NPHP4: variants seen among roughly 807,000 people sequenced by gnomAD.
NPHP4 encodes nephrocystin 4.
In NPHP4, 151 loss-of-function variants were observed where a neutral mutation model predicts 155.8. The observed-to-expected ratio is 0.97, with a 90% CI of 0.85 to 1.11. The LOEUF (loss-of-function observed/expected upper bound fraction) is 1.11. Among genes scored for constraint, NPHP4 ranks in the 50% least tolerant of loss-of-function variants. The probability of loss-of-function intolerance (pLI) is 0.00; values close to 1 mark genes in which losing one functional copy is unlikely to be tolerated. For missense variants in NPHP4, 1,956 were observed against 1,925.7 expected (o/e 1.02, Z -0.29); for synonymous variants, 845 against 816.8 (o/e 1.03, Z -0.59).
intron 7 of NPHP4, among the ~76,000 whole-genome samples, chr1:5,952,360 A>C (rs1040507997): frequency 5.9e-5 from 9 of 152,210 alleles, no homozygotes; most frequent in Admixed American, 5.9e-4. Context: ...ACCAGAATTA[A>C]CTTTAGTTAA....
At chr1:5,913,043 C>T (rs1218399278) in intron 11 of NPHP4, among the ~76,000 whole-genome samples, 7 of 151,262 alleles carry the variant, frequency 4.6e-5, no homozygotes, top group Non-Finnish European at 7.4e-5. Flanking sequence ...CCTAGCTACT[C>T]GGGAGGCTGA....
chr1:5,880,013 ACACATG>A, intron 19 of NPHP4, 95 bp downstream of exon 19: 2 of 1,348,726 alleles, frequency 1.5e-6, no homozygotes, highest in Non-Finnish European at 1.0e-6. Flanking sequence ...GCACACACAC[ACACATG>A]CACACACGCA....
chr1:5,992,061 GC>G (rs1557907444), intron 1 of NPHP4, among the ~76,000 whole-genome samples, 182 bp downstream of exon 1: 1 of 150,866 alleles, frequency 6.6e-6, no homozygotes. Context: ...CGCGGGGACA[GC>G]CCCCGCCGCG....
chr1:5,893,494 C>CA (rs1644246394), intron 16 of NPHP4, among the ~76,000 whole-genome samples: 1 of 152,220 alleles, frequency 6.6e-6, no homozygotes, highest in Non-Finnish European at 1.5e-5. Flanking sequence ...AGACAGCTTA[C>CA]ACCATTATTT....
intron 1 of NPHP4, among the ~76,000 whole-genome samples, chr1:5,991,762 G>C (rs1263267687): frequency 1.3e-5 from 2 of 152,068 alleles, no homozygotes; most frequent in East Asian, 1.9e-4. Context: ...AGCCGGAGCC[G>C]GAGCTGGAGC....
chr1:5,885,558 C>A (rs1570238622), intron 18 of NPHP4, among the ~76,000 whole-genome samples: 1 of 152,260 alleles, frequency 6.6e-6, no homozygotes, highest in East Asian at 1.9e-4. Flanking sequence ...CTCTCCCCAT[C>A]ATCAGAGTCC....
chr1:5,956,681 C>G (rs1413826514), intron 6 of NPHP4, among the ~76,000 whole-genome samples: 1 of 152,168 alleles, frequency 6.6e-6, no homozygotes, highest in African/African-American at 2.4e-5. Context: ...CTTCGCACAT[C>G]TGAAGGGCTA....
At chr1:5,953,488 C>A (rs111995914) in intron 6 of NPHP4, among the ~76,000 whole-genome samples, 37 of 152,302 alleles carry the variant, frequency 2.4e-4, no homozygotes, top group African/African-American at 8.7e-4. Flanking sequence ...AGCCTGCTGC[C>A]CGGCATGGCT....
intron 19 of NPHP4, 119 bp downstream of exon 19, chr1:5,879,995 C>A (rs564438820): frequency 2.5e-6 from 3 of 1,220,130 alleles, no homozygotes; most frequent in Non-Finnish European, 3.5e-6. Flanking sequence ...GACAGCACCA[C>A]GAATGGTGCA....
chr1:5,863,816 A>T (rs1640892087), intron 29 of NPHP4, 74 bp downstream of exon 29: 2 of 1,508,708 alleles, frequency 1.3e-6, no homozygotes, highest in Non-Finnish European at 1.8e-6. Context: ...ACTCGCTCCT[A>T]AATGCAGGCT....
intron 6 of NPHP4, among the ~76,000 whole-genome samples, chr1:5,959,757 G>A (rs564792366): frequency 6.6e-6 from 1 of 151,882 alleles, no homozygotes; most frequent in East Asian, 1.9e-4. Flanking sequence ...CTAGTCCCAA[G>A]ATCAGTATCC....
At chr1:5,904,579 C>A (rs1424538146) in intron 16 of NPHP4, 38 bp downstream of exon 16, 1 of 1,513,922 alleles carries the variant, frequency 6.6e-7, no homozygotes, top group Non-Finnish European at 9.0e-7. Context: ...CAACTCAGTA[C>A]AGAATGTCTT....
At chr1:5,957,930 ACCTATGACCTCCCT>A (rs1649560740) in intron 6 of NPHP4, among the ~76,000 whole-genome samples, 1 of 152,162 alleles carries the variant, frequency 6.6e-6, no homozygotes, top group Non-Finnish European at 1.5e-5. Context: ...TTCAAGAGAG[ACCTATGACCTCCCT>A]CCTAAGAGTG....
intron 23 of NPHP4, among the ~76,000 whole-genome samples, chr1:5,869,711 C>T (rs752892256): frequency 6.6e-6 from 1 of 152,170 alleles, no homozygotes; most frequent in Non-Finnish European, 1.5e-5. Flanking sequence ...GAAATATACA[C>T]GTACATAAAG....
chr1:5,909,317 C>A, intron 11 of NPHP4, 104 bp from the exon 12 acceptor site: 1 of 890,300 alleles, frequency 1.1e-6, no homozygotes, highest in South Asian at 1.4e-5. Flanking sequence ...GGCCTCACCA[C>A]CTTGTCTGTA....
At chr1:5,869,104 T>G (rs1218293643) in intron 23 of NPHP4, among the ~76,000 whole-genome samples, 2 of 118,376 alleles carry the variant, frequency 1.7e-5, no homozygotes, top group African/African-American at 6.4e-5. Context: ...CACACATGCA[T>G]GCACCCACAT....
intron 23 of NPHP4, among the ~76,000 whole-genome samples, chr1:5,869,733 T>C (rs1641805805): frequency 6.6e-6 from 1 of 152,140 alleles, no homozygotes; most frequent in African/African-American, 2.4e-5. Context: ...TGGCCAGTGG[T>C]ATTGTAGCCA....
Position 5,863,381 on chromosome 1 carries a change from T to C in NPHP4, c.4165A>G (p.Ile1389Val), listed in dbSNP as rs745830999. 5 of 1,614,032 alleles carry C rather than the reference T, an allele frequency of 3.1e-6. No homozygotes were observed. The highest frequency in any genetic ancestry group is 4.5e-5 in the East Asian group (2 of 44,888). Reference protein sequence around the residue: ...FQVGGGETYTIGLQFAPSQRV... With the variant: ...FQVGGGETYTVGLQFAPSQRV... ...TGACTAGGCGCAAACTGCAAGCCGA[T>C]GGTGTAGGTCTCTCCACCCCCGACC... Residue 1389 changes from isoleucine (I) to valine (V), a missense_variant, in exon 30 of 30, where the codon ATC becomes GTC. Ile to Val is a conservative substitution (Grantham distance 29). Transcript: ENST00000378156.
Position 5,874,891 on chromosome 1 carries a change from G to T in NPHP4, c.3027C>A (p.Ile1009=), listed in dbSNP as rs762202268. 3 of 1,613,620 alleles carry T rather than the reference G, an allele frequency of 1.9e-6. No homozygotes were observed. Among genetic ancestry groups the T allele is most frequent in the African/African-American group, 2.7e-5 (2 of 74,908 alleles). The change falls in exon 21 of 30, where the codon ATC becomes ATA. Residue 1009 remains isoleucine, a synonymous_variant. Coordinates refer to ENST00000378156, the MANE Select transcript of NPHP4 (RefSeq NM_015102.5). Reference sequence around the variant, plus strand: ...GACCTCACCTGAGCTCGGGGTTGTCGATCTCCACAGTCACCGTGTGCTGTG... The same window carrying T: ...GACCTCACCTGAGCTCGGGGTTGTCTATCTCCACAGTCACCGTGTGCTGTG... The part of the protein sequence containing the change: ...HNTQHTVTVE[I]DNPELSVIVD...
Sources: allele counts gnomAD v4.1 joint callset (sites outside exome capture counted in the v4.1 genomes callset), GRCh38; gene constraint gnomAD v4.1.1; transcripts MANE v1.5; gene names NCBI Gene and HGNC (gene_info 2026-07-23, HGNC 2026-07-21).